OVCH1: variants seen among roughly 807,000 people sequenced by gnomAD.
The protein encoded by OVCH1 is ovochymase-1.
OVCH1 carries 139 observed loss-of-function variants against 138.4 expected under a neutral mutation model. The observed-to-expected ratio is 1.00, with a 90% CI of 0.87 to 1.16. OVCH1 has a LOEUF of 1.16. OVCH1 is among the 50% of genes most tolerant of loss of function. OVCH1 has a pLI of 0.00. For missense variants in OVCH1, 1,367 were observed against 1,357.9 expected (o/e 1.01, Z -0.11); for synonymous variants, 453 against 467.8 (o/e 0.97, Z 0.41).
intron 4 of OVCH1, among the ~76,000 whole-genome samples, chr12:29,492,244 A>C (rs1943292170): frequency 6.6e-6 from 1 of 152,088 alleles, no homozygotes; most frequent in East Asian, 1.9e-4. Flanking sequence ...TTGATGAAGA[A>C]ACAATCCTTG....
downstream of OVCH1, chr12:29,425,940 T>A (rs572160698): frequency 4.3e-4 from 65 of 152,340 alleles, no homozygotes; most frequent in African/African-American, 1.5e-3. Context: ...TTATGCTCTT[T>A]GGATGCACTC....
intron 22 of OVCH1, among the ~76,000 whole-genome samples, chr12:29,446,255 G>T (rs1234658061): frequency 6.6e-6 from 1 of 152,018 alleles, no homozygotes; most frequent in Non-Finnish European, 1.5e-5. Flanking sequence ...ACAAATACTT[G>T]TAGGGATGAA....
At chr12:29,477,531 T>G (rs751849639) in intron 10 of OVCH1, 53 bp from the exon 11 acceptor site, 1 of 1,613,886 alleles carries the variant, frequency 6.2e-7, no homozygotes, top group Non-Finnish European at 8.5e-7. Flanking sequence ...TGGTGGAAAC[T>G]TACACGTTTG....
At chr12:29,446,986 A>G (rs181202858) in intron 22 of OVCH1, among the ~76,000 whole-genome samples, 22 of 152,238 alleles carry the variant, frequency 1.4e-4, no homozygotes, top group African/African-American at 4.6e-4. Context: ...AAATGACAAT[A>G]CTAAGAATAA....
rs1941311164 is a variant in OVCH1, at chr12:29,433,811, A to T, written c.3267T>A (p.Tyr1089Ter). 1.4e-6 allele frequency: 2 copies of T among 1,400,074 alleles called. No homozygotes were observed. Among genetic ancestry groups the T allele is most frequent in the Non-Finnish European group, 9.6e-7 (1 of 1,046,036 alleles). The allele number at this position is 1,400,074 out of a possible 1,614,324, so 86.7% of individuals were successfully genotyped here. ...TTTTTCCAACACTTCTTACATTATC[A>T]TACTAAAATTAAGTAAAATGTTTTT... is the stretch of plus-strand genomic sequence containing the variant. Residue 1089 changes from tyrosine (Y) to a stop codon, truncating the protein, a stop_gained and splice_region_variant, in exon 27 of 28, where the codon TAT becomes TAA. Coordinates refer to ENST00000318184, the Ensembl canonical transcript of OVCH1. LOFTEE classifies it high-confidence loss of function.
intron 26 of OVCH1, among the ~76,000 whole-genome samples, chr12:29,436,662 G>C (rs1941366389): frequency 6.6e-6 from 1 of 152,096 alleles, no homozygotes; most frequent in Non-Finnish European, 1.5e-5. Context: ...CCTTCCGGTG[G>C]GTTCATGGTC....
intron 16 of OVCH1, among the ~76,000 whole-genome samples, chr12:29,469,645 C>T (rs947531611): frequency 1.3e-5 from 2 of 151,652 alleles, no homozygotes; most frequent in Non-Finnish European, 2.9e-5. Flanking sequence ...TTTGGGAAGC[C>T]AAGGTGGGAG....
intron 12 of OVCH1, among the ~76,000 whole-genome samples, chr12:29,476,747 A>G (rs1279466414): frequency 3.0e-4 from 4 of 13,314 alleles, no homozygotes; most frequent in African/African-American, 7.7e-4. Flanking sequence ...GCATAAGTAC[A>G]CACGCGCGCA....
At chr12:29,434,082 C>T (rs928482788) in intron 26 of OVCH1, among the ~76,000 whole-genome samples, 1 of 152,080 alleles carries the variant, frequency 6.6e-6, no homozygotes, top group African/African-American at 2.4e-5. Flanking sequence ...GCTATTAGTG[C>T]CTTTGCTCAA....
chr12:29,486,800 G>A (rs540039112), intron 7 of OVCH1: 1 of 399,950 alleles, frequency 2.5e-6, no homozygotes, highest in East Asian at 7.5e-5. Context: ...AACCATTAAT[G>A]TCTGATTTCA....
downstream of OVCH1, among the ~76,000 whole-genome samples, chr12:29,424,690 T>A (rs1172366808): frequency 6.6e-6 from 1 of 152,212 alleles, no homozygotes; most frequent in African/African-American, 2.4e-5. Context: ...TGTGCCTCGA[T>A]AATCTCATCT....
At chr12:29,404,212 TG>T in the OVCH1 span, among the ~76,000 whole-genome samples, 4 of 152,328 alleles carry the variant, frequency 2.6e-5, no homozygotes, top group Admixed American at 2.6e-4. Context: ...ATCCAATCCC[TG>T]CAGGCAGAAA....
exon 6 of OVCH1, chr12:29,489,657 C>T: frequency 6.2e-7 from 1 of 1,609,084 alleles, no homozygotes; most frequent in Non-Finnish European, 8.5e-7. Context: ...GAAGCCAGCA[C>T]ACAGCATGGT....
chr12:29,439,442 G>A (rs1319571460), intron 25 of OVCH1: 1 of 1,491,126 alleles, frequency 6.7e-7, no homozygotes, highest in African/African-American at 1.4e-5. Context: ...AAGCTAAGAT[G>A]GTCTGAGAAA....
intron 4 of OVCH1, among the ~76,000 whole-genome samples, chr12:29,492,756 T>A (rs1454474652): frequency 2.6e-5 from 4 of 152,160 alleles, no homozygotes; most frequent in African/African-American, 9.6e-5. Context: ...ACAAAGAGAA[T>A]GAGCACAACT....
intron 19 of OVCH1, among the ~76,000 whole-genome samples, chr12:29,458,386 A>C (rs1485799619): frequency 6.6e-6 from 1 of 152,086 alleles, no homozygotes; most frequent in Non-Finnish European, 1.5e-5. Flanking sequence ...AAAAAAATAC[A>C]TTGGGGAAAG....
rs540034546 is a variant in OVCH1 at position 29,475,022 on chromosome 12, A to G, written c.1600+39T>C. ...AATTATCTTCCCTGTAACCATTTGC[A>G]TAAACAAAAGTCCTTATTACACAAA... On this transcript the variant is annotated intron_variant, in intron 14 of 27. Transcript: ENST00000318184. 75 of 1,555,000 alleles carry G rather than the reference A, an allele frequency of 4.8e-5. No homozygotes were observed. The Middle Eastern group carries it at 5.1e-4, about 11-fold the overall frequency.
chr12:29,415,030 G>A (rs1438234881), intron 3 of OVCH1, among the ~76,000 whole-genome samples: 1 of 152,136 alleles, frequency 6.6e-6, no homozygotes, highest in Non-Finnish European at 1.5e-5. Flanking sequence ...TAATGATGCT[G>A]GAAATTACAG....
At chr12:29,489,695 C>G (rs745840232) in exon 6 of OVCH1, 1 of 1,610,322 alleles carries the variant, frequency 6.2e-7, no homozygotes, top group African/African-American at 1.3e-5. Flanking sequence ...GGTTCATGCT[C>G]TTGAGCACAG....
Sources: gnomAD v4.1 joint callset for allele counts (sites outside exome capture counted in the v4.1 genomes callset) on GRCh38, gnomAD v4.1.1 for gene constraint, MANE v1.5 for transcripts, NCBI Gene and HGNC (gene_info 2026-07-23, HGNC 2026-07-21) for gene names.